Variants in RANBP17 observed in about 807,000 individuals in gnomAD.
The protein encoded by RANBP17 is RAN binding protein 17, also known as ran-binding protein 17.
In RANBP17, 158 loss-of-function variants were observed where a neutral mutation model predicts 141.2. That is an observed-to-expected ratio of 1.12 (90% CI 0.98 to 1.28). The LOEUF (loss-of-function observed/expected upper bound fraction) is 1.28, where lower values mean the gene tolerates loss of function less well. RANBP17 is among the 50% of genes most tolerant of loss of function. RANBP17 has a pLI of 0.00. For synonymous variants in RANBP17, 430 were observed against 450.0 expected, an observed-to-expected ratio of 0.96 and a Z score of 0.56; for missense variants, 1,438 against 1,290.7, an observed-to-expected ratio of 1.11 and a Z score of -1.75.
chr5:171,090,559 C>T (rs531430564), intron 14 of RANBP17, among the ~76,000 whole-genome samples: 2 of 152,030 alleles, frequency 1.3e-5, no homozygotes, highest in African/African-American at 4.8e-5. Flanking sequence ...AAGGAGGAGC[C>T]GAATGTTAAC....
intron 14 of RANBP17, among the ~76,000 whole-genome samples, chr5:170,999,537 A>C (rs920647576): frequency 7.2e-5 from 11 of 152,208 alleles, no homozygotes; most frequent in African/African-American, 2.7e-4. Context: ...AATAATTCAG[A>C]ATTGATATAA....
chr5:171,098,678 T>C (rs1350571572), intron 14 of RANBP17, among the ~76,000 whole-genome samples: 1 of 152,204 alleles, frequency 6.6e-6, no homozygotes, highest in African/African-American at 2.4e-5. Flanking sequence ...TTTGTTGCAA[T>C]TGCTTTTGGT....
intron 25 of RANBP17, among the ~76,000 whole-genome samples, chr5:171,278,668 C>T (rs1767676697): frequency 6.6e-6 from 1 of 152,122 alleles, no homozygotes; most frequent in South Asian, 2.1e-4. Flanking sequence ...AAATGAGAGG[C>T]CAAGCAGCCC....
intron 5 of RANBP17, among the ~76,000 whole-genome samples, chr5:170,898,494 A>G (rs1013237374): frequency 3.3e-5 from 5 of 151,932 alleles, no homozygotes; most frequent in Middle Eastern, 3.2e-3. Flanking sequence ...CACTCTGATG[A>G]TAGTTTCTTT....
intron 8 of RANBP17, among the ~76,000 whole-genome samples, chr5:170,915,867 A>T (rs192224004): frequency 3.9e-5 from 6 of 152,252 alleles, no homozygotes; most frequent in Middle Eastern, 3.4e-3. Context: ...ATGGAACTAG[A>T]TATCATAAGC....
At chr5:171,094,308 A>G (rs957595693) in intron 14 of RANBP17, among the ~76,000 whole-genome samples, 1 of 152,186 alleles carries the variant, frequency 6.6e-6, no homozygotes, top group African/African-American at 2.4e-5. Flanking sequence ...AAGTCACTAG[A>G]TGAGCTCAAC....
intron 12 of RANBP17, among the ~76,000 whole-genome samples, chr5:170,925,483 A>G (rs1772842002): frequency 6.6e-6 from 1 of 152,094 alleles, no homozygotes; most frequent in African/African-American, 2.4e-5. Context: ...TTATTCTTCT[A>G]GAAGAGTTTT....
intron 14 of RANBP17, among the ~76,000 whole-genome samples, chr5:171,095,096 T>G (rs917483646): frequency 6.6e-6 from 1 of 152,184 alleles, no homozygotes; most frequent in East Asian, 1.9e-4. Context: ...CCTCCAGAAC[T>G]GTGAGCCAAA....
At chr5:170,928,769 C>T (rs1773120211) in intron 12 of RANBP17, among the ~76,000 whole-genome samples, 1 of 91,728 alleles carries the variant, frequency 1.1e-5, no homozygotes, top group South Asian at 1.1e-3. Context: ...AATTATTTAA[C>T]CTTTTTTTTT....
At chr5:171,154,945 C>T (rs1267033695) in intron 14 of RANBP17, among the ~76,000 whole-genome samples, 1 of 151,118 alleles carries the variant, frequency 6.6e-6, no homozygotes, top group Non-Finnish European at 1.5e-5. Context: ...GGCATGGTGG[C>T]GGGGCACCTG....
At chr5:171,032,018 A>C (rs1781578629) in intron 14 of RANBP17, among the ~76,000 whole-genome samples, 2 of 152,122 alleles carry the variant, frequency 1.3e-5, no homozygotes, top group African/African-American at 4.8e-5. Context: ...TATTCTTAGA[A>C]TATGTCACTT....
chr5:171,091,474 CTG>C (rs2127728819), intron 14 of RANBP17, among the ~76,000 whole-genome samples: 1 of 152,282 alleles, frequency 6.6e-6, no homozygotes, highest in African/African-American at 2.4e-5. Context: ...AGACTTTGGA[CTG>C]TGGGCTTTTG....
intron 14 of RANBP17, among the ~76,000 whole-genome samples, chr5:171,034,881 A>T (rs1048254767): frequency 6.6e-6 from 1 of 152,126 alleles, no homozygotes; most frequent in African/African-American, 2.4e-5. Context: ...CAGTGTTGCC[A>T]TCATGGCTCA....
chr5:171,283,950 T>A (rs1480666892), intron 25 of RANBP17, among the ~76,000 whole-genome samples: 1 of 152,196 alleles, frequency 6.6e-6, no homozygotes, highest in African/African-American at 2.4e-5. Context: ...CATTGCACTC[T>A]CCTTTGATGA....
chr5:171,079,763 C>G (rs1785150973), intron 14 of RANBP17, among the ~76,000 whole-genome samples: 1 of 152,152 alleles, frequency 6.6e-6, no homozygotes, highest in Admixed American at 6.5e-5. Context: ...AGGTAATAGA[C>G]TATAGTATCA....
In RANBP17 at chr5:170,924,400, C is replaced by T; in HGVS notation, c.1318C>T (p.Gln440Ter). 1 of 1,607,150 alleles carries T rather than the reference C, an allele frequency of 6.2e-7. No individual in the cohort carries two copies. The change falls in exon 12 of 28, where the codon CAG becomes TAG. Residue 440 changes from glutamine to a stop codon, truncating the protein, a stop_gained. Transcript: ENST00000523189. LOFTEE classifies it high-confidence loss of function. ...DPLDDTATVF[Q>*]QLEQLCTVSR... is the part of the protein sequence containing the mutation. ...ACTGGATGATACTGCCACTGTGTTT[C>T]AGCAGTTGGAGCAGTTGTGCACGGT...
At chr5:170,960,165 T>C (rs921361526) in intron 13 of RANBP17, among the ~76,000 whole-genome samples, 1 of 152,230 alleles carries the variant, frequency 6.6e-6, no homozygotes, top group Non-Finnish European at 1.5e-5. Flanking sequence ...CTCCTCTGTG[T>C]AGCAAAACCT....
At chr5:171,138,967 C>G (rs1757509218) in intron 14 of RANBP17, among the ~76,000 whole-genome samples, 2 of 152,096 alleles carry the variant, frequency 1.3e-5, no homozygotes, top group Admixed American at 1.3e-4. Flanking sequence ...GTGCCAGCTA[C>G]TTGAGAGACT....
chr5:171,064,129 C>T (rs1234699250), intron 14 of RANBP17, among the ~76,000 whole-genome samples: 2 of 152,238 alleles, frequency 1.3e-5, no homozygotes, highest in Admixed American at 6.5e-5. Flanking sequence ...TGAGGCAATG[C>T]CTCGCCCTGC....
Sources: allele counts gnomAD v4.1 joint callset (sites outside exome capture counted in the v4.1 genomes callset), GRCh38; gene constraint gnomAD v4.1.1; transcripts MANE v1.5; gene names NCBI Gene and HGNC (gene_info 2026-07-23, HGNC 2026-07-21).